Variants in ACAP2 observed in about 807,000 individuals in gnomAD.
The protein encoded by ACAP2 is ArfGAP with coiled-coil, ankyrin repeat and PH domains 2, also known as arf-GAP with coiled-coil, ANK repeat and PH domain-containing protein 2.
ACAP2 carries 39 observed loss-of-function variants against 115.8 expected under a neutral mutation model. The observed-to-expected ratio is 0.34, with a 90% CI of 0.26 to 0.44. The LOEUF (loss-of-function observed/expected upper bound fraction) is 0.44. Ranked by LOEUF, ACAP2 falls within the 20% of genes least tolerant of loss-of-function variation. The pLI is 1.00. For synonymous variants in ACAP2, 289 were observed against 315.8 expected, an observed-to-expected ratio of 0.92 and a Z score of 0.90; for missense variants, 662 against 927.6, an observed-to-expected ratio of 0.71 and a Z score of 3.72.
chr3:195,322,761 A>G (rs1729533073), intron 9 of ACAP2, among the ~76,000 whole-genome samples: 1 of 152,232 alleles, frequency 6.6e-6, no homozygotes, highest in Non-Finnish European at 1.5e-5. Context: ...AGTTTTTCAA[A>G]ACCTTGGTCA....
intron 1 of ACAP2, among the ~76,000 whole-genome samples, chr3:195,416,071 G>T (rs748512942): frequency 6.6e-6 from 1 of 152,192 alleles, no homozygotes; most frequent in Non-Finnish European, 1.5e-5. Context: ...ATGTCAGATG[G>T]GCGTGGTGGC....
intron 15 of ACAP2, among the ~76,000 whole-genome samples, chr3:195,297,887 C>G (rs1727757438): frequency 6.6e-6 from 1 of 152,132 alleles, no homozygotes. Context: ...CTCTTTAATT[C>G]TGTTCAAGCT....
At chr3:195,377,894 AAAC>A (rs1733662161) in intron 4 of ACAP2, among the ~76,000 whole-genome samples, 1 of 152,230 alleles carries the variant, frequency 6.6e-6, no homozygotes, top group Non-Finnish European at 1.5e-5. Flanking sequence ...ACATGTACGT[AAAC>A]ACAAACAAGC....
At chr3:195,367,309 T>C (rs1732794998) in intron 4 of ACAP2, among the ~76,000 whole-genome samples, 1 of 152,188 alleles carries the variant, frequency 6.6e-6, no homozygotes, top group African/African-American at 2.4e-5. Flanking sequence ...TCATTAAGAA[T>C]CAGTTATCTC....
intron 16 of ACAP2, 42 bp from the exon 17 acceptor site, chr3:195,295,934 C>T: frequency 5.2e-6 from 8 of 1,534,664 alleles, no homozygotes; most frequent in Non-Finnish European, 6.2e-6. Context: ...CTTAATCTCT[C>T]AGCATGGCTA....
At chr3:195,412,417 T>C (rs374180121) in intron 1 of ACAP2, among the ~76,000 whole-genome samples, 9 of 149,088 alleles carry the variant, frequency 6.0e-5, no homozygotes, top group Admixed American at 6.7e-5. Context: ...CCATCTCTAC[T>C]ATTAAAAAAA....
chr3:195,330,386 C>A (rs147997639), intron 8 of ACAP2, among the ~76,000 whole-genome samples: 1 of 152,252 alleles, frequency 6.6e-6, no homozygotes, highest in Non-Finnish European at 1.5e-5. Flanking sequence ...CAAGGACCTG[C>A]AGACTTATTT....
chr3:195,390,292 C>T (rs1435283091), intron 2 of ACAP2, among the ~76,000 whole-genome samples: 1 of 152,118 alleles, frequency 6.6e-6, no homozygotes, highest in Non-Finnish European at 1.5e-5. Context: ...TTGGTATCCT[C>T]AGCTATAAAA....
At chr3:195,298,949 C>G (rs1727839405) in intron 15 of ACAP2, among the ~76,000 whole-genome samples, 2 of 152,104 alleles carry the variant, frequency 1.3e-5, no homozygotes, top group Non-Finnish European at 2.9e-5. Context: ...ATTGTTTCTA[C>G]TATCTCTCCC....
chr3:195,350,454 C>G (rs1473870569), intron 4 of ACAP2, among the ~76,000 whole-genome samples: 1 of 151,670 alleles, frequency 6.6e-6, no homozygotes, highest in African/African-American at 2.4e-5. Context: ...GGAGACCAGC[C>G]TTGGCAACAA....
rs575417049 is a variant in ACAP2 at position 195,288,362 on chromosome 3, A to T, written c.2174+759T>A. On this transcript the variant is annotated intron_variant, in intron 21 of 22. Coordinates refer to ENST00000326793, the MANE Select transcript of ACAP2 (RefSeq NM_012287.6). The stretch of plus-strand genomic sequence containing the variant: ...ATAAGTTCATGCATGTAAAGTGTTT[A>T]ATACATTTAATGTGCTTAGAGAAGT... 3.3e-5 allele frequency among the ~76,000 whole-genome samples: 5 copies of T among 152,332 alleles called. No individual in the cohort carries two copies. In the South Asian group the frequency reaches 6.2e-4, roughly 19 times the overall value.
chr3:195,391,187 T>C (rs823308), intron 2 of ACAP2, among the ~76,000 whole-genome samples: 26,155 of 151,504 alleles, frequency 0.17, 2,493 homozygotes, highest in Admixed American at 0.28. Flanking sequence ...AAAAGAAAGA[T>C]GCAATCTTTT....
chr3:195,430,658 T>C (rs1245647151), intron 1 of ACAP2, among the ~76,000 whole-genome samples: 1 of 151,854 alleles, frequency 6.6e-6, no homozygotes, highest in Non-Finnish European at 1.5e-5. Flanking sequence ...GAGGTTGCAG[T>C]GAGCCGAGAT....
chr3:195,435,836 A>C (rs1016383360), intron 1 of ACAP2, among the ~76,000 whole-genome samples: 8 of 152,132 alleles, frequency 5.3e-5, no homozygotes, highest in Admixed American at 5.2e-4. Context: ...CTGCTGTATG[A>C]AGTGTTCTAT....
At chr3:195,380,921 CT>C (rs1733900896) in intron 4 of ACAP2, 87 bp downstream of exon 4, 1 of 1,175,428 alleles carries the variant, frequency 8.5e-7, no homozygotes, top group Non-Finnish European at 1.2e-6. Context: ...ATGTAATTCC[CT>C]TTTAGTCATT....
intron 10 of ACAP2, among the ~76,000 whole-genome samples, chr3:195,310,995 A>G (rs567557272): frequency 6.6e-6 from 1 of 152,256 alleles, no homozygotes; most frequent in Admixed American, 6.5e-5. Flanking sequence ...AGTAACATTG[A>G]CCAAAACTTT....
At chr3:195,316,391 T>C (rs1729095346) in intron 10 of ACAP2, among the ~76,000 whole-genome samples, 3 of 144,112 alleles carry the variant, frequency 2.1e-5, no homozygotes, top group African/African-American at 8.6e-5. Context: ...TATTCTTATG[T>C]TTATTTATTT....
intron 13 of ACAP2, among the ~76,000 whole-genome samples, chr3:195,302,420 A>T (rs900550953): frequency 2.6e-5 from 4 of 152,010 alleles, no homozygotes; most frequent in African/African-American, 9.7e-5. Context: ...TGACACAATG[A>T]ACATATGTAC....
At position 195,275,262 on chromosome 3, in the gene ACAP2, G is replaced by C. The variant is rs1206237689; in HGVS notation, c.*4066C>G. The C allele has an allele frequency of 6.6e-6, 1 of 152,238 alleles. No homozygotes were observed. The highest frequency in any genetic ancestry group is 2.4e-5 in the African/African-American group (1 of 41,438). The allele number at this position is 152,238 out of a possible 1,614,324, so 9.4% of individuals were successfully genotyped here. ...AGAAAAGTTTATGTAATCAAATCTT[G>C]CTTTGTCTCCACATTATCACATTTT... On this transcript the variant is annotated 3_prime_UTR_variant, in exon 23 of 23. Coordinates refer to ENST00000326793, the MANE Select transcript of ACAP2 (RefSeq NM_012287.6).
Sources: allele counts gnomAD v4.1 joint callset (sites outside exome capture counted in the v4.1 genomes callset), GRCh38; gene constraint gnomAD v4.1.1; transcripts MANE v1.5; gene names NCBI Gene and HGNC (gene_info 2026-07-23, HGNC 2026-07-21).